The following DENND2A variants were observed in gnomAD, a reference collection of about 807,000 sequenced individuals.
DENND2A encodes the protein DENN domain-containing protein 2A.
In DENND2A, 53 loss-of-function variants were observed where a neutral mutation model predicts 105.3. The observed-to-expected ratio is 0.50, with a 90% CI of 0.40 to 0.63. The LOEUF is 0.63. Among genes scored for constraint, DENND2A ranks in the 30% least tolerant of loss-of-function variants. DENND2A has a pLI of 0.00. For missense variants in DENND2A, 1,138 were observed against 1,279.6 expected, an observed-to-expected ratio of 0.89 and a Z score of 1.69; for synonymous variants, 522 against 508.4, an observed-to-expected ratio of 1.03 and a Z score of -0.36.
At chr7:140,576,908 A>G (rs1405603949) in intron 5 of DENND2A, among the ~76,000 whole-genome samples, 3 of 152,232 alleles carry the variant, frequency 2.0e-5, no homozygotes, top group African/African-American at 7.2e-5. Context: ...GGGAAAACGT[A>G]GGTTCTGCTT....
intron 5 of DENND2A, among the ~76,000 whole-genome samples, chr7:140,585,309 C>G (rs1458352326): frequency 6.6e-6 from 1 of 152,226 alleles, no homozygotes; most frequent in East Asian, 1.9e-4. Context: ...TTAAGACATT[C>G]TTAACAGTTG....
rs181754292 is a variant in DENND2A at position 140,531,534 on chromosome 7, C to T, written c.2328-4039G>A. ...TGTGTGTGAGCCGGGTGCGGTGGCT[C>T]GTGCCTGTAATCCTAGCACTTTGGG... On this transcript the variant is annotated intron_variant, in intron 14 of 19. Coordinates refer to ENST00000496613, the MANE Select transcript of DENND2A (RefSeq NM_015689.5). Among the ~76,000 whole-genome samples the T allele has an allele frequency of 1.3e-3, 195 of 152,182 alleles. 1 individual carries two copies. The highest frequency in any genetic ancestry group is 4.5e-3 in the African/African-American group (185 of 41,524).
intron 3 of DENND2A, among the ~76,000 whole-genome samples, chr7:140,598,055 CTAATT>C (rs1235744854): frequency 2.0e-5 from 3 of 152,070 alleles, no homozygotes; most frequent in African/African-American, 7.2e-5. Context: ...CTAGACCAGT[CTAATT>C]TATTTACTGA....
intron 11 of DENND2A, among the ~76,000 whole-genome samples, chr7:140,556,871 G>T (rs915178888): frequency 2.0e-5 from 3 of 152,096 alleles, no homozygotes; most frequent in Non-Finnish European, 4.4e-5. Context: ...TCAAAAGAAT[G>T]GGCCTGAAAA....
chr7:140,522,752 C>T (rs1166735242), intron 17 of DENND2A, among the ~76,000 whole-genome samples: 4 of 151,678 alleles, frequency 2.6e-5, no homozygotes, highest in African/African-American at 9.7e-5. Flanking sequence ...GGATTACAGG[C>T]GCTTGCCACT....
At chr7:140,606,007 G>A (rs1799674573) in intron 1 of DENND2A, among the ~76,000 whole-genome samples, 1 of 152,178 alleles carries the variant, frequency 6.6e-6, no homozygotes, top group African/African-American at 2.4e-5. Flanking sequence ...CCCGGATTCA[G>A]AACTCATGCC....
chr7:140,540,512 G>A (rs1796619390), intron 14 of DENND2A, among the ~76,000 whole-genome samples: 1 of 152,218 alleles, frequency 6.6e-6, no homozygotes, highest in African/African-American at 2.4e-5. Flanking sequence ...GAGGGTGGCT[G>A]GGGAACAGCC....
Position 140,567,256 on chromosome 7 carries a change from C to T in DENND2A, c.1609G>A (p.Val537Ile). The T allele has an allele frequency of 6.2e-7, 1 of 1,606,296 alleles. No homozygotes were observed. The highest frequency in any genetic ancestry group is 1.1e-5 in the South Asian group (1 of 90,218). The change falls in exon 9 of 20, where the codon GTC (valine) becomes ATC (isoleucine). Residue 537 changes from valine (V) to isoleucine (I), a missense_variant. Transcript: ENST00000496613. The stretch of plus-strand genomic sequence containing the variant: ...TGCTTCAGCCGGGACTTCACGTTGA[C>T]CAGGCGCTGGCTGTGAGCTGGGTGA... ...EKLKAHSQRL[V>I]NVKSRLKQAP...
chr7:140,578,237 G>C lies in DENND2A; in HGVS notation c.1246-4229C>G, dbSNP rs561734526. Among the ~76,000 whole-genome samples, 4 of 152,288 alleles carry C rather than the reference G, an allele frequency of 2.6e-5. No homozygotes were observed. In the South Asian group the frequency reaches 8.3e-4, roughly 32 times the overall value. Reference sequence around the variant, plus strand: ...GGGGACATCCTGGGCGGGGTGGGGGGTGCAGTGGCAAGGAAGCTGTGTGCC... The same window carrying C: ...GGGGACATCCTGGGCGGGGTGGGGGCTGCAGTGGCAAGGAAGCTGTGTGCC... On this transcript the variant is annotated intron_variant, in intron 5 of 19. Transcript: ENST00000496613.
chr7:140,632,490 G>T (rs1208444052), intron 1 of DENND2A, among the ~76,000 whole-genome samples: 1 of 152,188 alleles, frequency 6.6e-6, no homozygotes, highest in Non-Finnish European at 1.5e-5. Context: ...CTTTACCAGC[G>T]TGGCCACAAG....
chr7:140,600,765 C>T (rs905095091), intron 3 of DENND2A, among the ~76,000 whole-genome samples: 4 of 152,058 alleles, frequency 2.6e-5, no homozygotes, highest in African/African-American at 9.7e-5. Flanking sequence ...AAGCTGGTTT[C>T]TAGATTAGTG....
chr7:140,628,506 G>A (rs1016789262), intron 1 of DENND2A, among the ~76,000 whole-genome samples: 11 of 151,614 alleles, frequency 7.3e-5, no homozygotes, highest in Non-Finnish European at 1.0e-4. Flanking sequence ...TTCAAGATAC[G>A]GGAAATCCCC....
At chr7:140,573,786 T>C (rs867837582) in intron 6 of DENND2A, 22 bp downstream of exon 6, 8 of 1,610,850 alleles carry the variant, frequency 5.0e-6, no homozygotes, top group Non-Finnish European at 6.8e-6. Context: ...TACCTGAGCA[T>C]GAAGCTTGTT....
In DENND2A at chr7:140,518,441, C is replaced by T; in HGVS notation, c.*266G>A. Reference sequence around the variant, plus strand: ...CACACATTTTTCTTACTTTTAATATCTAAGATAAAAAAAAAAACCCAACCA... The same window carrying T: ...CACACATTTTTCTTACTTTTAATATTTAAGATAAAAAAAAAAACCCAACCA... On this transcript the variant is annotated 3_prime_UTR_variant, in exon 20 of 20. Coordinates refer to ENST00000496613, the MANE Select transcript of DENND2A (RefSeq NM_015689.5). 1 of 406,408 alleles carries T rather than the reference C, an allele frequency of 2.5e-6. No individual in the cohort carries two copies. The highest frequency in any genetic ancestry group is 4.3e-6 in the Non-Finnish European group (1 of 231,860). The allele number at this position is 406,408 out of a possible 1,614,324, so 25.2% of individuals were successfully genotyped here.
At chr7:140,611,081 T>C (rs1473394441) in intron 1 of DENND2A, among the ~76,000 whole-genome samples, 3 of 152,222 alleles carry the variant, frequency 2.0e-5, no homozygotes, top group African/African-American at 7.2e-5. Flanking sequence ...GTTTCACTCC[T>C]GTTGCCCAGG....
chr7:140,567,691 G>A (rs1797923304), intron 8 of DENND2A, among the ~76,000 whole-genome samples: 1 of 152,102 alleles, frequency 6.6e-6, no homozygotes, highest in Non-Finnish European at 1.5e-5. Context: ...TCTTTTGGTT[G>A]GTGTGATGTG....
chr7:140,570,756 G>A (rs917404595), intron 6 of DENND2A, among the ~76,000 whole-genome samples: 5 of 152,196 alleles, frequency 3.3e-5, no homozygotes, highest in Non-Finnish European at 7.3e-5. Flanking sequence ...CAGACGCCCT[G>A]TGCCCTGCCC....
In DENND2A at chr7:140,573,984, A is replaced by G. The variant is rs1266949442; in HGVS notation, c.1270T>C (p.Phe424Leu). 1 of 1,614,188 alleles carries G rather than the reference A, an allele frequency of 6.2e-7. No homozygotes were observed. The highest frequency in any genetic ancestry group is 8.5e-7 in the Non-Finnish European group (1 of 1,180,036). Residue 424 changes from phenylalanine to leucine, a missense_variant, in exon 6 of 20, where the codon TTC (phenylalanine) becomes CTC (leucine). Physicochemically the swap from Phe to Leu is conservative, Grantham distance 22. Coordinates refer to ENST00000496613, the MANE Select transcript of DENND2A (RefSeq NM_015689.5). ...TTCCTCCTCTCTGAATTTTGTCGGA[A>G]AAAAGCAGGTTTGGACAATGACTGC... ...TKQSLSKPAF[F>L]RQNSERRNFK...
At chr7:140,561,688 T>TA (rs1352139552) in intron 9 of DENND2A, among the ~76,000 whole-genome samples, 12 of 56,848 alleles carry the variant, frequency 2.1e-4, no homozygotes, top group Admixed American at 5.5e-4. Flanking sequence ...TTTTTTTTTG[T>TA]ATTTTCAGTA....
Sources: gnomAD v4.1 joint callset for allele counts (sites outside exome capture counted in the v4.1 genomes callset) on GRCh38, gnomAD v4.1.1 for gene constraint, MANE v1.5 for transcripts, NCBI Gene and HGNC (gene_info 2026-07-23, HGNC 2026-07-21) for gene names.